RDH10: variants seen among roughly 807,000 people sequenced by gnomAD.
The protein encoded by RDH10 is retinol dehydrogenase 10 (all-trans).
RDH10 carries 12 observed loss-of-function variants against 30.2 expected under a neutral mutation model. The observed-to-expected ratio is 0.40, with a 90% CI of 0.25 to 0.64. The LOEUF is 0.64. RDH10 is among the 30% of genes least tolerant of loss of function. The pLI is 0.43. For missense variants in RDH10, 268 were observed against 445.2 expected (o/e 0.60, Z 3.58); for synonymous variants, 189 against 172.2 (o/e 1.10, Z -0.76).
At chr8:73,314,792 T>TG (rs2130373979) in intron 2 of RDH10, among the ~76,000 whole-genome samples, 2 of 152,340 alleles carry the variant, frequency 1.3e-5, no homozygotes, top group East Asian at 3.9e-4. Flanking sequence ...CTGTAATTAA[T>TG]GAGCCTTTCA....
intron 3 of RDH10, among the ~76,000 whole-genome samples, chr8:73,319,517 C>T (rs1370346107): frequency 6.6e-6 from 1 of 152,170 alleles, no homozygotes; most frequent in African/African-American, 2.4e-5. Flanking sequence ...AGAGCAAGAC[C>T]CTGTCTCTAA....
rs776441115 is a variant in RDH10, at chr8:73,324,592, C to T, written c.*1556C>T. Reference sequence around the variant, plus strand: ...CAATTGTGTGATTATTAGTTATCAGCAGTGTTGTAAGGAAAATTATTGTGT... The same window carrying T: ...CAATTGTGTGATTATTAGTTATCAGTAGTGTTGTAAGGAAAATTATTGTGT... On this transcript the variant is annotated 3_prime_UTR_variant, in exon 6 of 6. Coordinates refer to ENST00000240285, the MANE Select transcript of RDH10 (RefSeq NM_172037.5). 6.6e-6 allele frequency: 1 copy of T among 151,992 alleles called. No individual in the cohort carries two copies. Among genetic ancestry groups the T allele is most frequent in the Non-Finnish European group, 1.5e-5 (1 of 68,010 alleles). The allele number at this position is 151,992 out of a possible 1,614,324, so 9.4% of individuals were successfully genotyped here.
At chr8:73,312,602 G>A (rs538382995) in intron 2 of RDH10, 2 of 152,362 alleles carry the variant, frequency 1.3e-5, no homozygotes, top group East Asian at 3.9e-4. Flanking sequence ...GGCAGAAGGG[G>A]TGGAACAGTA....
intron 2 of RDH10, among the ~76,000 whole-genome samples, chr8:73,314,548 G>A (rs1478292482): frequency 6.6e-6 from 1 of 152,208 alleles, no homozygotes; most frequent in East Asian, 1.9e-4. Flanking sequence ...CCTGAGCACA[G>A]GCTTAAAAGA....
intron 2 of RDH10, chr8:73,312,324 T>C (rs1425586428): frequency 6.6e-6 from 1 of 152,208 alleles, no homozygotes; most frequent in Middle Eastern, 3.2e-3. Flanking sequence ...CTTTTTTGAA[T>C]TGATCACAGG....
intron 2 of RDH10, among the ~76,000 whole-genome samples, chr8:73,318,825 C>T (rs1000634926): frequency 2.6e-5 from 4 of 152,216 alleles, no homozygotes; most frequent in Admixed American, 2.6e-4. Context: ...AAGCTTCTGC[C>T]AATGGCTCTC....
intron 2 of RDH10, among the ~76,000 whole-genome samples, chr8:73,298,659 C>T (rs1279476432): frequency 6.6e-6 from 1 of 152,154 alleles, no homozygotes; most frequent in African/African-American, 2.4e-5. Flanking sequence ...TCTTGAGTAG[C>T]TGGGACTACA....
chr8:73,324,792 A>G lies in RDH10; in HGVS notation c.*1756A>G, dbSNP rs1201310860. 5 of 152,258 alleles carry G rather than the reference A, an allele frequency of 3.3e-5. No individual in the cohort carries two copies. Among genetic ancestry groups the G allele is most frequent in the Non-Finnish European group, 5.9e-5 (4 of 68,050 alleles). 9.4% of individuals were successfully genotyped at this position (152,258 alleles called of 1,614,324 possible). A position where few individuals can be genotyped will look rare whatever the true frequency, so the allele number is the denominator to read the frequency against. ...GTACCAAAAGTGGGGAAACAATGCCATGACCTGTGTTTTAGTTTGGCTGCA... is the reference window on the plus strand; with the variant it reads ...GTACCAAAAGTGGGGAAACAATGCCGTGACCTGTGTTTTAGTTTGGCTGCA... On this transcript the variant is annotated 3_prime_UTR_variant, in exon 6 of 6. Transcript: ENST00000240285.
chr8:73,301,150 A>C (rs1349234906), intron 2 of RDH10, among the ~76,000 whole-genome samples: 3 of 138,198 alleles, frequency 2.2e-5, no homozygotes. Flanking sequence ...TCCCAGGTTC[A>C]CGCCATTCTC....
chr8:73,304,612 A>G (rs1253270845), intron 2 of RDH10, among the ~76,000 whole-genome samples: 4 of 152,028 alleles, frequency 2.6e-5, no homozygotes, highest in African/African-American at 9.7e-5. Flanking sequence ...GCACCTATTT[A>G]TCCCCTCATC....
At chr8:73,300,187 A>G (rs1814351108) in intron 2 of RDH10, among the ~76,000 whole-genome samples, 1 of 152,226 alleles carries the variant, frequency 6.6e-6, no homozygotes, top group African/African-American at 2.4e-5. Flanking sequence ...TGAGTCAGAA[A>G]ATTCATTTTA....
intron 2 of RDH10, among the ~76,000 whole-genome samples, chr8:73,318,082 T>C (rs1163874961): frequency 1.3e-5 from 2 of 152,174 alleles, no homozygotes; most frequent in Non-Finnish European, 2.9e-5. Flanking sequence ...TCATAAATCA[T>C]GGGAAGCTGT....
At chr8:73,304,821 A>G (rs1814440097) in intron 2 of RDH10, among the ~76,000 whole-genome samples, 3 of 152,198 alleles carry the variant, frequency 2.0e-5, no homozygotes, top group Admixed American at 1.3e-4. Flanking sequence ...AAACATTTTC[A>G]TGTTCACTTA....
intron 2 of RDH10, among the ~76,000 whole-genome samples, chr8:73,303,139 C>G (rs1213424074): frequency 1.3e-5 from 2 of 152,048 alleles, no homozygotes; most frequent in Admixed American, 1.3e-4. Context: ...TATCTATATC[C>G]AAATGTCTAA....
chr8:73,316,594 G>C (rs951307734), intron 2 of RDH10, among the ~76,000 whole-genome samples: 2 of 152,184 alleles, frequency 1.3e-5, no homozygotes, highest in Non-Finnish European at 2.9e-5. Context: ...AATGAGAAGT[G>C]TGTTCACTTG....
Position 73,297,207 on chromosome 8 carries a change from G to A in RDH10, c.303G>A (p.Glu101=). 1 of 1,609,134 alleles carries A rather than the reference G, an allele frequency of 6.2e-7. No individual in the cohort carries two copies. Among genetic ancestry groups the A allele is most frequent in the Non-Finnish European group, 8.5e-7 (1 of 1,175,348 alleles). ...TTCTGAGGACAGCTGGGAATGGTGA[G>A]GAAGAAATTCTGCCCCACTGTAACT... is the stretch of plus-strand genomic sequence containing the variant. ...DAAALQAGNG[E]EEILPHCNLQ... is the part of the protein sequence containing the mutation. Residue 101 remains glutamate, a synonymous_variant, in exon 2 of 6, where the codon GAG becomes GAA. Coordinates refer to ENST00000240285, the MANE Select transcript of RDH10 (RefSeq NM_172037.5).
Position 73,322,663 on chromosome 8 carries a change from A to G in RDH10, c.771-16A>G. On this transcript the variant is annotated splice_polypyrimidine_tract_variant and intron_variant, in intron 4 of 5. Coordinates refer to ENST00000240285, the MANE Select transcript of RDH10 (RefSeq NM_172037.5). ...GTGTTAATTTTTCATTTTGTTTTTG[A>G]ATAAATAACTTTCAGGAAAGAAATT... The G allele has an allele frequency of 6.2e-7, 1 of 1,601,860 alleles. No homozygotes were observed.
At chr8:73,321,113 A>G (rs751692446) in intron 4 of RDH10, 36 bp downstream of exon 4, 2 of 1,475,294 alleles carry the variant, frequency 1.4e-6, no homozygotes, top group Non-Finnish European at 1.8e-6. Flanking sequence ...GATAAAAAGA[A>G]TATGTTGGGA....
intron 2 of RDH10, among the ~76,000 whole-genome samples, chr8:73,314,275 CTGT>C (rs1325976605): frequency 6.6e-6 from 1 of 152,182 alleles, no homozygotes; most frequent in Non-Finnish European, 1.5e-5. Context: ...ATCTACCAGA[CTGT>C]TGAGGGCAAG....
Sources: gnomAD v4.1 joint callset for allele counts (sites outside exome capture counted in the v4.1 genomes callset) on GRCh38, gnomAD v4.1.1 for gene constraint, MANE v1.5 for transcripts, NCBI Gene and HGNC (gene_info 2026-07-23, HGNC 2026-07-21) for gene names.